DNAH8: variants seen among roughly 807,000 people sequenced by gnomAD.
DNAH8 encodes axonemal beta dynein heavy chain 8.
DNAH8 carries 382 observed loss-of-function variants against 562.1 expected under a neutral mutation model. The ratio of observed to expected loss-of-function variants is 0.68; its 90% confidence interval spans 0.63 to 0.74. The LOEUF (loss-of-function observed/expected upper bound fraction) is 0.74, where lower values mean the gene tolerates loss of function less well. Among genes scored for constraint, DNAH8 ranks in the 30% least tolerant of loss-of-function variants. The pLI, the probability that DNAH8 is intolerant of heterozygous loss-of-function variation, is 0.00. For synonymous variants in DNAH8, 1,881 were observed against 1,919.4 expected, an observed-to-expected ratio of 0.98 and a Z score of 0.52; for missense variants, 5,203 against 5,620.4, an observed-to-expected ratio of 0.93 and a Z score of 2.37.
intron 24 of DNAH8, among the ~76,000 whole-genome samples, chr6:38,813,842 A>G (rs891742694): frequency 2.0e-5 from 3 of 152,208 alleles, no homozygotes; most frequent in Non-Finnish European, 4.4e-5. Flanking sequence ...TAGAAAATGT[A>G]TATGAGATTA....
chr6:38,977,022 G>A (rs1763718768), intron 85 of DNAH8, among the ~76,000 whole-genome samples: 1 of 152,150 alleles, frequency 6.6e-6, no homozygotes, highest in Non-Finnish European at 1.5e-5. Context: ...GGTTTGGGTG[G>A]CATTATGCCA....
At chr6:38,855,721 A>G (rs891631433) in intron 41 of DNAH8, among the ~76,000 whole-genome samples, 1 of 152,144 alleles carries the variant, frequency 6.6e-6, no homozygotes, top group African/African-American at 2.4e-5. Context: ...GGTATAGAAC[A>G]AGGGTCCCCA....
chr6:38,786,735 T>A (rs1271306641), intron 17 of DNAH8, 30 bp from the exon 18 acceptor site: 1 of 1,593,542 alleles, frequency 6.3e-7, no homozygotes. Flanking sequence ...AAATTCAGAA[T>A]GAGTAATGTC....
In DNAH8 at chr6:38,722,757, A is replaced by C. The variant is rs1290216856; in HGVS notation, c.-34-19A>C. ...CTCAATTTACTGTAGTTTTAAACGA[A>C]CCTATGTTATAATTCTAGGTTTCGA... On this transcript the variant is annotated intron_variant, in intron 1 of 92. Transcript: ENST00000327475. 6.6e-7 allele frequency: 1 copy of C among 1,505,638 alleles called. No homozygotes were observed. The highest frequency in any genetic ancestry group is 8.9e-7 in the Non-Finnish European group (1 of 1,128,372). The allele number at this position is 1,505,638 out of a possible 1,614,324, so 93.3% of individuals were successfully genotyped here. A position where few individuals can be genotyped will look rare whatever the true frequency, so the allele number is the denominator to read the frequency against.
intron 4 of DNAH8, among the ~76,000 whole-genome samples, chr6:38,730,423 C>A (rs757462227): frequency 1.3e-5 from 2 of 152,212 alleles, no homozygotes; most frequent in Non-Finnish European, 2.9e-5. Context: ...TATGCCTGAA[C>A]TAATTAACAT....
rs151057470 is a variant in DNAH8, at chr6:38,958,992, G to A, written c.12451+7472G>A. On this transcript the variant is annotated intron_variant, in intron 82 of 92. Transcript: ENST00000327475. ...TTTCAAGGTACATAAATCAGTAAGT[G>A]TGATATATGACAGTAATAGAATGAA... 8.7e-3 allele frequency among the ~76,000 whole-genome samples: 1,321 copies of A among 152,278 alleles called. 5 individuals carry two copies. Among genetic ancestry groups the A allele is most frequent in the Non-Finnish European group, 0.013 (903 of 68,002 alleles).
chr6:38,932,843 A>G (rs1439413428), intron 76 of DNAH8: 1 of 152,326 alleles, frequency 6.6e-6, no homozygotes, highest in African/African-American at 2.4e-5. Context: ...CACAGACACC[A>G]AAGAAGTAGA....
At chr6:38,802,291 C>T (rs1046632804) in intron 21 of DNAH8, among the ~76,000 whole-genome samples, 2 of 151,822 alleles carry the variant, frequency 1.3e-5, no homozygotes, top group Non-Finnish European at 2.9e-5. Flanking sequence ...GTCACCCAGG[C>T]TGGAGTGCAG....
chr6:38,854,986 AAGT>A (rs1444058520), intron 41 of DNAH8, among the ~76,000 whole-genome samples: 6 of 148,636 alleles, frequency 4.0e-5, no homozygotes, highest in African/African-American at 1.5e-4. Flanking sequence ...ATATAATACA[AAGT>A]ATTATATACA....
At chr6:39,015,763 A>G (rs1454357631) in intron 91 of DNAH8, among the ~76,000 whole-genome samples, 2 of 152,168 alleles carry the variant, frequency 1.3e-5, no homozygotes, top group Non-Finnish European at 2.9e-5. Context: ...TGTTAATAAT[A>G]CTTATCTTTT....
intron 21 of DNAH8, among the ~76,000 whole-genome samples, chr6:38,793,132 A>G (rs965862584): frequency 6.6e-6 from 1 of 152,022 alleles, no homozygotes; most frequent in Non-Finnish European, 1.5e-5. Context: ...CTGAGACAAC[A>G]CTAAACAACC....
chr6:38,746,768 A>G lies in DNAH8; in HGVS notation c.1294-3708A>G, dbSNP rs558605659. Among the ~76,000 whole-genome samples, 325 of 152,238 alleles carry G rather than the reference A, an allele frequency of 2.1e-3. 1 individual carries two copies. Among genetic ancestry groups the G allele is most frequent in the Non-Finnish European group, 3.9e-3 (268 of 68,010 alleles). ...GTATGGCAAAATCCCGTCTCTACTA[A>G]AAATACAAAAATTAGCCAGGAGTGG... On this transcript the variant is annotated intron_variant, in intron 8 of 92. Coordinates refer to ENST00000327475, the MANE Select transcript of DNAH8 (RefSeq NM_001206927.2).
intron 26 of DNAH8, among the ~76,000 whole-genome samples, chr6:38,818,736 T>C (rs1772540577): frequency 6.6e-6 from 1 of 152,208 alleles, no homozygotes; most frequent in African/African-American, 2.4e-5. Context: ...CCGTTATATA[T>C]ACTGTCTTTT....
In DNAH8 at chr6:39,012,860, T is replaced by C. The variant is rs10947775; in HGVS notation, c.13714+223T>C. Among the ~76,000 whole-genome samples the C allele has an allele frequency of 0.11, 16,613 of 152,242 alleles. 1,095 individuals are homozygous for C. Among genetic ancestry groups the C allele is most frequent in the Admixed American group, 0.2 (2,994 of 15,292 alleles). On this transcript the variant is annotated intron_variant, in intron 91 of 92. Coordinates refer to ENST00000327475, the MANE Select transcript of DNAH8 (RefSeq NM_001206927.2). ...AATTCTTTACAATGTGGTAGCAAAA[T>C]CCTTCCTTTTTCTTTTCACCAACTT...
In DNAH8 at chr6:38,761,708, A is replaced by G; in HGVS notation, c.1522A>G (p.Asn508Asp). 6.6e-7 allele frequency: 1 copy of G among 1,512,008 alleles called. No individual in the cohort carries two copies. The highest frequency in any genetic ancestry group is 8.9e-7 in the Non-Finnish European group (1 of 1,128,098). 93.7% of individuals were successfully genotyped at this position (1,512,008 alleles called of 1,614,324 possible). Reference sequence around the variant, plus strand: ...GTACCTATATTTATTTCAGGTAACAAATCAAATGGTAACAGCATGTAAAGC... The same window carrying G: ...GTACCTATATTTATTTCAGGTAACAGATCAAATGGTAACAGCATGTAAAGC... ...RMTSLFIKVT[N>D]QMVTACKAYI... Residue 508 changes from asparagine (N) to aspartate (D), a missense_variant, in exon 11 of 93, where the codon AAT becomes GAT. This residue lies in a region of DNAH8 where 2,176 missense variants were observed against 2,365.1 expected (regional missense o/e 0.92). Transcript: ENST00000327475.
At position 38,965,081 on chromosome 6, in the gene DNAH8, A is replaced by G. The variant is rs931384163; in HGVS notation, c.12452-6511A>G. ...TCTGTCTCAAAAAATAAAATAAAAT[A>G]AAATAAAATAAAATAAAATAAAATA... On this transcript the variant is annotated intron_variant, in intron 82 of 92. Transcript: ENST00000327475. Among the ~76,000 whole-genome samples the G allele has an allele frequency of 2.3e-4, 4 of 17,260 alleles. No homozygotes were observed. The East Asian group carries it at 5.1e-3, about 22-fold the overall frequency. The allele number at this position is 17,260 out of a possible 152,430, so 11.3% of individuals were successfully genotyped here.
At position 38,899,897 on chromosome 6, in the gene DNAH8, C is replaced by T; in HGVS notation, c.9185C>T (p.Thr3062Ile). The T allele has an allele frequency of 1.3e-6, 2 of 1,592,742 alleles. No homozygotes were observed. The highest frequency in any genetic ancestry group is 2.3e-5 in the East Asian group (1 of 44,408). Residue 3062 changes from threonine (T) to isoleucine (I), a missense_variant, in exon 62 of 93, where the codon ACA (threonine) becomes ATA (isoleucine). Physicochemically the swap from Thr to Ile is moderately conservative, Grantham distance 89. Transcript: ENST00000327475. ...GCTGGCTATCAAATATTCCAGATAA[C>T]ATTAACCAGGTAGGATGAAATAAAA... is the stretch of plus-strand genomic sequence containing the variant. The part of the protein sequence containing the change: ...FIAGYQIFQI[T>I]LTRSYNVTNL...
intron 45 of DNAH8, 34 bp downstream of exon 45, chr6:38,864,094 G>GT: frequency 1.3e-6 from 2 of 1,577,650 alleles, no homozygotes; most frequent in South Asian, 1.2e-5. Context: ...AATTTAATTA[G>GT]TTTAATTGTT....
In DNAH8 at chr6:38,791,639, G is replaced by T. The variant is rs747057985; in HGVS notation, c.2866G>T (p.Ala956Ser). The T allele has an allele frequency of 3.7e-6, 6 of 1,613,842 alleles. No individual in the cohort carries two copies. Among genetic ancestry groups the T allele is most frequent in the Non-Finnish European group, 5.1e-6 (6 of 1,179,944 alleles). The change falls in exon 21 of 93, where the codon GCT becomes TCT. Residue 956 changes from alanine (A) to serine (S), a missense_variant. Around this residue, in one of 6 missense-constraint regions of DNAH8, gnomAD observed 2,176 missense variants for 2,365.1 expected, o/e 0.92. Transcript: ENST00000327475. ...TVLISLPESGATKVEDMLTLN... is the reference protein window; with the variant it reads ...TVLISLPESGSTKVEDMLTLN... ...GTTGATTTCTCTGCCTGAAAGTGGT[G>T]CTACCAAAGTAGAAGATATGTTGAC...
Sources: allele counts gnomAD v4.1 joint callset (sites outside exome capture counted in the v4.1 genomes callset), GRCh38; gene constraint gnomAD v4.1.1; regional missense constraint gnomAD v4.1.1; transcripts MANE v1.5; gene names NCBI Gene and HGNC (gene_info 2026-07-23, HGNC 2026-07-21).